EPHA3: variants seen among roughly 807,000 people sequenced by gnomAD.
EPHA3 encodes the protein EPH receptor A3, also known as ephrin type-A receptor 3.
Under a neutral mutation model 107.1 loss-of-function variants are expected in EPHA3, and 42 were observed. The ratio of observed to expected loss-of-function variants is 0.39; its 90% CI spans 0.31 to 0.51. EPHA3 has a LOEUF of 0.51. EPHA3 is among the 20% of genes least tolerant of loss of function. The pLI, the probability that EPHA3 is intolerant of heterozygous loss-of-function variation, is 0.78. For missense variants in EPHA3, 1,183 were observed against 1,211.2 expected, an observed-to-expected ratio of 0.98 and a Z score of 0.35; for synonymous variants, 461 against 424.8, an observed-to-expected ratio of 1.09 and a Z score of -1.05.
intron 2 of EPHA3, among the ~76,000 whole-genome samples, chr3:89,141,006 A>G (rs1704420250): frequency 6.6e-6 from 1 of 151,708 alleles, no homozygotes; most frequent in Non-Finnish European, 1.5e-5. Flanking sequence ...GTTTTACAAG[A>G]GAGAACAGTA....
intron 3 of EPHA3, among the ~76,000 whole-genome samples, chr3:89,321,667 GA>G (rs2107380723): frequency 6.6e-6 from 1 of 152,088 alleles, no homozygotes; most frequent in East Asian, 1.9e-4. Context: ...AACCAGTGGG[GA>G]CAAAAGAGCA....
At chr3:89,209,535 A>C (rs569628543) in intron 2 of EPHA3, among the ~76,000 whole-genome samples, 1 of 152,280 alleles carries the variant, frequency 6.6e-6, no homozygotes, top group Non-Finnish European at 1.5e-5. Flanking sequence ...ACCCAAAAAC[A>C]TATGAGAAAA....
At chr3:89,129,359 AG>A (rs1192780674) in intron 2 of EPHA3, among the ~76,000 whole-genome samples, 8 of 152,116 alleles carry the variant, frequency 5.3e-5, no homozygotes, top group African/African-American at 1.9e-4. Context: ...AGCCTAAAAC[AG>A]TTGGTCATTC....
Position 89,335,395 on chromosome 3 carries a change from C to A in EPHA3, c.815-5521C>A, listed in dbSNP as rs541029803. On this transcript the variant is annotated intron_variant, in intron 3 of 16. Coordinates refer to ENST00000336596, the MANE Select transcript of EPHA3 (RefSeq NM_005233.6). ...TGATCTAAACCTCCCCAAGATCCCA[C>A]CTCCTAAAACCAACATATTGTTCAT... Among the ~76,000 whole-genome samples the A allele has an allele frequency of 5.9e-5, 9 of 152,280 alleles. No homozygotes were observed. In the South Asian group the frequency reaches 1.4e-3, roughly 25 times the overall value.
intron 3 of EPHA3, among the ~76,000 whole-genome samples, chr3:89,249,586 T>C (rs944269257): frequency 1.3e-5 from 2 of 151,864 alleles, no homozygotes; most frequent in Non-Finnish European, 2.9e-5. Context: ...TCAGCCTCCC[T>C]AGTAGCTGGG....
intron 1 of EPHA3, among the ~76,000 whole-genome samples, chr3:89,112,184 T>G (rs1421453524): frequency 6.6e-6 from 1 of 152,066 alleles, no homozygotes; most frequent in East Asian, 1.9e-4. Context: ...GGAGCTATAA[T>G]GAAAAACACT....
intron 3 of EPHA3, among the ~76,000 whole-genome samples, chr3:89,261,816 C>A (rs1274853643): frequency 6.6e-6 from 1 of 151,082 alleles, no homozygotes; most frequent in Non-Finnish European, 1.5e-5. Flanking sequence ...AAAAGTGATA[C>A]TATTAGTTTG....
chr3:89,407,205 G>C, intron 7 of EPHA3, 64 bp from the exon 8 acceptor site: 1 of 1,149,042 alleles, frequency 8.7e-7, no homozygotes, highest in Non-Finnish European at 1.3e-6. Flanking sequence ...TCAATCAACT[G>C]TTCCATGTAG....
chr3:89,363,898 A>C (rs1358488942), intron 5 of EPHA3, among the ~76,000 whole-genome samples: 1 of 150,716 alleles, frequency 6.6e-6, no homozygotes, highest in Non-Finnish European at 1.5e-5. Context: ...TGCCCAGTGC[A>C]TCAGAAAGTG....
chr3:89,119,618 C>G (rs900801183), intron 1 of EPHA3, among the ~76,000 whole-genome samples: 2 of 152,130 alleles, frequency 1.3e-5, no homozygotes, highest in African/African-American at 4.8e-5. Context: ...AAATGATACA[C>G]CTGAGATTTT....
intron 2 of EPHA3, among the ~76,000 whole-genome samples, chr3:89,141,552 C>A (rs867213687): frequency 2.0e-5 from 3 of 151,514 alleles, no homozygotes; most frequent in East Asian, 3.9e-4. Flanking sequence ...CTGAAGGATA[C>A]CACCCTTATA....
chr3:89,270,559 T>C (rs1705644604), intron 3 of EPHA3, among the ~76,000 whole-genome samples: 1 of 152,122 alleles, frequency 6.6e-6, no homozygotes, highest in Non-Finnish European at 1.5e-5. Flanking sequence ...CCACCATAAA[T>C]AATTAAATGC....
chr3:89,151,893 A>C (rs1704697817), intron 2 of EPHA3, among the ~76,000 whole-genome samples: 1 of 152,066 alleles, frequency 6.6e-6, no homozygotes, highest in Non-Finnish European at 1.5e-5. Context: ...ACTTTTCTCC[A>C]AATTCTGTTT....
chr3:89,365,707 G>A (rs1356250381), intron 5 of EPHA3, among the ~76,000 whole-genome samples: 1 of 150,538 alleles, frequency 6.6e-6, no homozygotes, highest in Non-Finnish European at 1.5e-5. Flanking sequence ...AACCTACTTA[G>A]CATCAACAAT....
chr3:89,327,405 T>C (rs768378872), intron 3 of EPHA3, among the ~76,000 whole-genome samples: 3 of 152,150 alleles, frequency 2.0e-5, no homozygotes, highest in South Asian at 2.1e-4. Flanking sequence ...TCCATGAACT[T>C]GCCTAGTCAT....
At chr3:89,454,899 C>G (rs924471227) in intron 15 of EPHA3, among the ~76,000 whole-genome samples, 1 of 151,856 alleles carries the variant, frequency 6.6e-6, no homozygotes, top group Non-Finnish European at 1.5e-5. Context: ...GAGGCTGTAG[C>G]AGAAGGATTG....
Position 89,262,963 on chromosome 3 carries a change from CTTTTTTTTTTTTT to C in EPHA3, c.814+52458_814+52470del, listed in dbSNP as rs532365863. ...GTCCCCGAGGGCATGTTACAGCGCTCTTTTTTTTTTTTTTTTTTTTTTTTTTTAATTATACTTT... is the reference window on the plus strand; with the variant it reads ...GTCCCCGAGGGCATGTTACAGCGCTCTTTTTTTTTTTTTTAATTATACTTT... On this transcript the variant is annotated intron_variant, in intron 3 of 16. Coordinates refer to ENST00000336596, the MANE Select transcript of EPHA3 (RefSeq NM_005233.6). 3.1e-4 allele frequency among the ~76,000 whole-genome samples: 30 copies of C among 97,476 alleles called. 1 individual carries two copies. Among genetic ancestry groups the C allele is most frequent in the African/African-American group, 1.0e-3 (28 of 27,412 alleles). The allele number at this position is 97,476 out of a possible 152,430, so 63.9% of individuals were successfully genotyped here.
intron 3 of EPHA3, among the ~76,000 whole-genome samples, chr3:89,228,578 G>A (rs756961149): frequency 1.3e-5 from 2 of 151,838 alleles, no homozygotes; most frequent in Non-Finnish European, 2.9e-5. Flanking sequence ...AATGCTATAT[G>A]CAGTCACGAT....
chr3:89,139,049 C>T (rs1704373455), intron 2 of EPHA3, among the ~76,000 whole-genome samples: 1 of 151,696 alleles, frequency 6.6e-6, no homozygotes, highest in Admixed American at 6.6e-5. Flanking sequence ...TTCTGTATAA[C>T]AGTCAATATT....
Sources: gnomAD v4.1 joint callset for allele counts (sites outside exome capture counted in the v4.1 genomes callset) on GRCh38, gnomAD v4.1.1 for gene constraint, MANE v1.5 for transcripts, NCBI Gene and HGNC (gene_info 2026-07-23, HGNC 2026-07-21) for gene names.